RAI14: variants seen among roughly 807,000 people sequenced by gnomAD.
The protein encoded by RAI14 is ankycorbin.
In RAI14, 45 loss-of-function variants were observed where a neutral mutation model predicts 115.4. That is an observed-to-expected ratio of 0.39 (90% confidence interval 0.31 to 0.50). The LOEUF (loss-of-function observed/expected upper bound fraction) is 0.50. Ranked by LOEUF, RAI14 falls within the 20% of genes least tolerant of loss-of-function variation. The probability of loss-of-function intolerance (pLI) is 0.85; values close to 1 mark genes in which losing one functional copy is unlikely to be tolerated. For missense variants in RAI14, 939 were observed against 1,131.2 expected (o/e 0.83, Z 2.44); for synonymous variants, 371 against 415.4 (o/e 0.89, Z 1.30).
intron 2 of RAI14, among the ~76,000 whole-genome samples, chr5:34,755,425 C>T (rs758479825): frequency 9.2e-5 from 14 of 152,154 alleles, no homozygotes; most frequent in African/African-American, 1.7e-4. Context: ...CTCTGGCTAA[C>T]GTCACGTGAA....
intron 10 of RAI14, 40 bp from the exon 11 acceptor site, chr5:34,813,534 A>G (rs201705192): frequency 3.3e-4 from 498 of 1,500,422 alleles, no homozygotes; most frequent in Non-Finnish European, 2.7e-4. Flanking sequence ...TACTAACCAA[A>G]CTAACCCACC....
At chr5:34,740,385 G>A (rs1745357688) in intron 2 of RAI14, among the ~76,000 whole-genome samples, 1 of 152,168 alleles carries the variant, frequency 6.6e-6, no homozygotes, top group African/African-American at 2.4e-5. Context: ...GGTGATTTGT[G>A]TGTGTGTTCA....
rs576425403 is a variant in RAI14, at chr5:34,695,525, T to TA, written c.36+8570_36+8571insA. Among the ~76,000 whole-genome samples the TA allele has an allele frequency of 6.7e-3, 1,014 of 152,260 alleles. 10 individuals carry two copies. The highest frequency in any genetic ancestry group is 0.022 in the African/African-American group (922 of 41,556). On this transcript the variant is annotated intron_variant, in intron 2 of 17. Transcript: ENST00000265109. ...GCATTTGAAATGTGCTAGTCCAAAC[T>TA]GAGGTGTATACTGTAGGTGTAAAAT...
At position 34,830,593 on chromosome 5, in the gene RAI14, G is replaced by A. The variant is rs1757942416; in HGVS notation, c.2866-95G>A. On this transcript the variant is annotated intron_variant, in intron 17 of 17. Transcript: ENST00000265109. ...TGTGAAAGATGTGGGAATTAGCCCA[G>A]GTCTTCATTGCAGTCAGCCATCTCA... 1.1e-5 allele frequency: 17 copies of A among 1,576,860 alleles called. No individual in the cohort carries two copies. The Admixed American group carries it at 2.8e-4, about 26-fold the overall frequency.
chr5:34,765,928 G>A (rs955263501), intron 3 of RAI14, among the ~76,000 whole-genome samples: 32 of 152,254 alleles, frequency 2.1e-4, no homozygotes, highest in Non-Finnish European at 2.9e-5. Flanking sequence ...AGCTGCTCCA[G>A]CTGTGGCTGA....
chr5:34,808,596 G>A lies in RAI14; in HGVS notation c.392G>A (p.Cys131Tyr). 1 of 1,614,196 alleles carries A rather than the reference G, an allele frequency of 6.2e-7. No homozygotes were observed. Among genetic ancestry groups the A allele is most frequent in the Non-Finnish European group, 8.5e-7 (1 of 1,180,012 alleles). Residue 131 changes from cysteine to tyrosine, a missense_variant, in exon 7 of 18, where the codon TGC becomes TAC. Coordinates refer to ENST00000265109, the MANE Select transcript of RAI14 (RefSeq NM_015577.3). The stretch of plus-strand genomic sequence containing the variant: ...TTCCTTCCCCCAGCGGCTCAGGGCT[G>A]CCTTCAAGCTGTGCAGATTCTCTGC... ...TALHYAAAQGCLQAVQILCEH... is the reference protein window; with the variant it reads ...TALHYAAAQGYLQAVQILCEH...
chr5:34,663,914 G>C (rs1742901357), intron 1 of RAI14, among the ~76,000 whole-genome samples: 1 of 152,190 alleles, frequency 6.6e-6, no homozygotes, highest in African/African-American at 2.4e-5. Context: ...TTTGTGATCA[G>C]TGTCACCTCA....
At position 34,730,373 on chromosome 5, in the gene RAI14, A is replaced by T. The variant is rs190023118; in HGVS notation, c.37-27095A>T. 1.1e-3 allele frequency among the ~76,000 whole-genome samples: 160 copies of T among 152,340 alleles called. 1 individual carries two copies. The highest frequency in any genetic ancestry group is 0.01 in the Middle Eastern group (3 of 294). ...AACTTTATGGAATTTTATGTATCTT[A>T]TAAAATAACAATTTATTGGCCAGGC... is the stretch of plus-strand genomic sequence containing the variant. On this transcript the variant is annotated intron_variant, in intron 2 of 17. Transcript: ENST00000265109.
intron 3 of RAI14, among the ~76,000 whole-genome samples, chr5:34,787,259 G>T (rs1357991231): frequency 1.3e-5 from 2 of 152,118 alleles, no homozygotes; most frequent in Admixed American, 6.6e-5. Context: ...TCCTCAGTAT[G>T]TACCCATTAG....
At chr5:34,815,433 G>A (rs1311467241) in intron 12 of RAI14, among the ~76,000 whole-genome samples, 1 of 151,850 alleles carries the variant, frequency 6.6e-6, no homozygotes, top group African/African-American at 2.4e-5. Context: ...CCTGGTGGCA[G>A]GCACCTGTAG....
chr5:34,716,609 C>T lies in RAI14; in HGVS notation c.36+29654C>T, dbSNP rs527416607. On this transcript the variant is annotated intron_variant, in intron 2 of 17. Transcript: ENST00000265109. The stretch of plus-strand genomic sequence containing the variant: ...TGTATTTTTAGTAGAGACAGGGTTT[C>T]GCCATGTTGGTCAGGTTGGTCTTGA... Among the ~76,000 whole-genome samples, 11 of 152,094 alleles carry T rather than the reference C, an allele frequency of 7.2e-5. No individual in the cohort carries two copies. The South Asian group carries it at 1.0e-3, about 14-fold the overall frequency.
At chr5:34,682,262 A>G in intron 1 of RAI14, among the ~76,000 whole-genome samples, 1 of 151,890 alleles carries the variant, frequency 6.6e-6, no homozygotes, top group Non-Finnish European at 1.5e-5. Context: ...CATTCACTTC[A>G]CCTCCTGAAA....
At chr5:34,714,140 A>G (rs1327532686) in intron 2 of RAI14, among the ~76,000 whole-genome samples, 1 of 152,178 alleles carries the variant, frequency 6.6e-6, no homozygotes, top group Non-Finnish European at 1.5e-5. Flanking sequence ...GTACAGTTCT[A>G]CTGTTCTACA....
chr5:34,734,136 G>A (rs1167588449), intron 2 of RAI14, among the ~76,000 whole-genome samples: 2 of 152,248 alleles, frequency 1.3e-5, no homozygotes, highest in Non-Finnish European at 2.9e-5. Context: ...CAGATGAGCA[G>A]CCAGTGAAAG....
chr5:34,692,035 G>A (rs1032681504), intron 2 of RAI14, among the ~76,000 whole-genome samples: 4 of 152,108 alleles, frequency 2.6e-5, no homozygotes, highest in Non-Finnish European at 4.4e-5. Context: ...GGCCAAGGTG[G>A]GTGGATCACC....
At chr5:34,688,254 T>C in intron 2 of RAI14, 1 of 1,547,952 alleles carries the variant, frequency 6.5e-7, no homozygotes, top group East Asian at 2.4e-5. Context: ...AAAAGGCAAT[T>C]AAATGGAAAA....
chr5:34,746,128 T>C (rs1746187368), intron 2 of RAI14, among the ~76,000 whole-genome samples: 1 of 130,726 alleles, frequency 7.6e-6, no homozygotes, highest in Admixed American at 8.5e-5. Context: ...TTTTTTGAGA[T>C]GGAATCTCGC....
chr5:34,818,902 A>C, intron 13 of RAI14, 51 bp downstream of exon 13: 8 of 1,521,310 alleles, frequency 5.3e-6, no homozygotes, highest in African/African-American at 1.4e-5. Context: ...AAACTATTTC[A>C]TGTCCATTTA....
intron 2 of RAI14, among the ~76,000 whole-genome samples, chr5:34,751,434 C>A (rs1747007132): frequency 1.3e-5 from 2 of 152,170 alleles, no homozygotes; most frequent in Non-Finnish European, 2.9e-5. Flanking sequence ...TGAGCCACCT[C>A]ACCCAGGCTA....
Sources: gnomAD v4.1 joint callset for allele counts (sites outside exome capture counted in the v4.1 genomes callset) on GRCh38, gnomAD v4.1.1 for gene constraint, MANE v1.5 for transcripts, NCBI Gene and HGNC (gene_info 2026-07-23, HGNC 2026-07-21) for gene names.